Variants in FAT3 observed in about 807,000 individuals in gnomAD.
FAT3 encodes protocadherin Fat 3.
A neutral mutation model predicts 310.2 loss-of-function variants in FAT3; 95 were observed. The observed-to-expected ratio is 0.31, with a 90% confidence interval of 0.26 to 0.36. The LOEUF (loss-of-function observed/expected upper bound fraction) is 0.36. Among genes scored for constraint, FAT3 ranks in the 10% least tolerant of loss-of-function variants. The probability of loss-of-function intolerance (pLI) is 1.00; values close to 1 mark genes in which losing one functional copy is unlikely to be tolerated. For synonymous variants in FAT3, 2,314 were observed against 2,192.9 expected (o/e 1.06, Z -1.54); for missense variants, 5,408 against 5,715.6 (o/e 0.95, Z 1.74).
chr11:92,251,922 A>G (rs1349004565), intron 1 of FAT3, among the ~76,000 whole-genome samples: 1 of 152,166 alleles, frequency 6.6e-6, no homozygotes, highest in Non-Finnish European at 1.5e-5. Flanking sequence ...AGCTGAGTGT[A>G]TGTTGAAAAT....
chr11:92,253,994 G>A (rs1257933160), intron 1 of FAT3, among the ~76,000 whole-genome samples: 4 of 152,122 alleles, frequency 2.6e-5, no homozygotes, highest in African/African-American at 9.7e-5. Flanking sequence ...TAAAGAAATG[G>A]CATCGTTTAT....
chr11:92,381,872 G>A (rs1949501416), intron 2 of FAT3, among the ~76,000 whole-genome samples: 1 of 152,152 alleles, frequency 6.6e-6, no homozygotes. Flanking sequence ...TGTACCAGGT[G>A]TTAAAAAGAA....
chr11:92,234,389 A>G (rs1248036503), intron 1 of FAT3, among the ~76,000 whole-genome samples: 1 of 152,212 alleles, frequency 6.6e-6, no homozygotes, highest in Admixed American at 6.5e-5. Context: ...CAGAGGGGAA[A>G]ATAAAGGGAG....
chr11:92,882,731 G>T lies in FAT3; in HGVS notation c.12282-7G>T, dbSNP rs369657805. On this transcript the variant is annotated splice_region_variant and splice_polypyrimidine_tract_variant and intron_variant, in intron 23 of 27. Transcript: ENST00000525166. ...GACGGTGGGGAGGGGCTTCTGTGTCGCCGCAGGTGTGAGGAGGACATCAAT... is the reference window on the plus strand; with the variant it reads ...GACGGTGGGGAGGGGCTTCTGTGTCTCCGCAGGTGTGAGGAGGACATCAAT... The T allele has an allele frequency of 3.2e-6, 5 of 1,584,688 alleles. No homozygotes were observed. Among genetic ancestry groups the T allele is most frequent in the Non-Finnish European group, 4.3e-6 (5 of 1,163,124 alleles).
At chr11:92,594,979 A>AT (rs1175599841) in intron 3 of FAT3, among the ~76,000 whole-genome samples, 2 of 147,646 alleles carry the variant, frequency 1.4e-5, no homozygotes, top group African/African-American at 5.1e-5. Context: ...ATATGAATAC[A>AT]TATAGACTCA....
intron 1 of FAT3, among the ~76,000 whole-genome samples, chr11:92,346,056 C>A (rs1193582802): frequency 1.3e-5 from 2 of 152,058 alleles, no homozygotes; most frequent in East Asian, 3.9e-4. Context: ...AAAGAAATAA[C>A]CCACATCAAA....
intron 3 of FAT3, among the ~76,000 whole-genome samples, chr11:92,644,121 T>A (rs1177019014): frequency 6.6e-6 from 1 of 152,184 alleles, no homozygotes; most frequent in Non-Finnish European, 1.5e-5. Flanking sequence ...GGGGCCAAGG[T>A]GGCAGCCCCA....
At chr11:92,770,044 T>C (rs1366377170) in intron 6 of FAT3, among the ~76,000 whole-genome samples, 1 of 152,202 alleles carries the variant, frequency 6.6e-6, no homozygotes, top group Non-Finnish European at 1.5e-5. Context: ...CCCAGTGATA[T>C]GGAGAGAAAC....
At position 92,461,636 on chromosome 11, in the gene FAT3, A is replaced by G. The variant is rs193198380; in HGVS notation, c.3293-62998A>G. Among the ~76,000 whole-genome samples the G allele has an allele frequency of 3.3e-5, 5 of 152,188 alleles. No homozygotes were observed. The East Asian group carries it at 9.7e-4, about 30-fold the overall frequency. On this transcript the variant is annotated intron_variant, in intron 2 of 27. Transcript: ENST00000525166. ...GTCGGGAGAGACCTCCAAGTAGAGG[A>G]CACTGTGTGAAGACCTAAAGTTAAA...
At chr11:92,523,962 T>C (rs1046813920) in intron 2 of FAT3, among the ~76,000 whole-genome samples, 2 of 151,966 alleles carry the variant, frequency 1.3e-5, no homozygotes, top group Non-Finnish European at 2.9e-5. Flanking sequence ...TGGCTCAGAG[T>C]TTATTAGGGC....
chr11:92,812,665 G>A (rs1947709706), intron 13 of FAT3, among the ~76,000 whole-genome samples: 1 of 151,770 alleles, frequency 6.6e-6, no homozygotes, highest in African/African-American at 2.4e-5. Flanking sequence ...AATTTTATTA[G>A]AAATTTAGAT....
In FAT3 at chr11:92,353,192, G is replaced by A. The variant is rs1238677434; in HGVS notation, c.1080G>A (p.Lys360=). Reference sequence around the variant, plus strand: ...CTCCTCAAAAATGTTCAGCATTAAAGGCAGTCTACATTGGCAACCCCACAA... The same window carrying A: ...CTCCTCAAAAATGTTCAGCATTAAAAGCAGTCTACATTGGCAACCCCACAA... The part of the protein sequence containing the change: ...KGSPQKCSAL[K]AVYIGNPTRD... Residue 360 remains lysine (K), a synonymous_variant, in exon 2 of 28, where the codon AAG becomes AAA. Coordinates refer to ENST00000525166, the MANE Select transcript of FAT3 (RefSeq NM_001367949.2). 6.2e-7 allele frequency: 1 copy of A among 1,613,738 alleles called. No homozygotes were observed. Among genetic ancestry groups the A allele is most frequent in the East Asian group, 2.2e-5 (1 of 44,854 alleles).
At chr11:92,512,633 A>AAT (rs968164795) in intron 2 of FAT3, among the ~76,000 whole-genome samples, 34 of 146,872 alleles carry the variant, frequency 2.3e-4, no homozygotes, top group South Asian at 6.4e-4. Flanking sequence ...ATATATTTAA[A>AAT]ATATATATAT....
At chr11:92,741,439 A>G (rs1945506876) in intron 4 of FAT3, among the ~76,000 whole-genome samples, 1 of 152,236 alleles carries the variant, frequency 6.6e-6, no homozygotes, top group Non-Finnish European at 1.5e-5. Flanking sequence ...TTCTGAAGGA[A>G]CACAGAAGAG....
chr11:92,747,711 T>C (rs1204207949), intron 4 of FAT3, among the ~76,000 whole-genome samples: 1 of 152,208 alleles, frequency 6.6e-6, no homozygotes, highest in Non-Finnish European at 1.5e-5. Context: ...TTCTTCCAGA[T>C]GCCCTAAATC....
chr11:92,304,010 T>C (rs1227198141), intron 1 of FAT3, among the ~76,000 whole-genome samples: 4 of 152,132 alleles, frequency 2.6e-5, no homozygotes, highest in Non-Finnish European at 5.9e-5. Context: ...TTTTAACGGT[T>C]TGAAAAAGGA....
chr11:92,354,874 C>T lies in FAT3; in HGVS notation c.2762C>T (p.Thr921Ile), dbSNP rs750663331. ...ESGQQLFSVVTLKVFLDDVND... is the reference protein window; with the variant it reads ...ESGQQLFSVVILKVFLDDVND... ...GGTCAGCAGCTGTTTTCAGTTGTCA[C>T]TCTTAAAGTTTTTTTAGATGATGTC... The change falls in exon 2 of 28, where the codon ACT becomes ATT. Residue 921 changes from threonine to isoleucine, a missense_variant. This residue lies in a region of FAT3 where 4,588 missense variants were observed against 4,809.8 expected (regional missense o/e 0.95). Coordinates refer to ENST00000525166, the MANE Select transcript of FAT3 (RefSeq NM_001367949.2). The T allele has an allele frequency of 4.3e-6, 7 of 1,613,746 alleles. No individual in the cohort carries two copies. The highest frequency in any genetic ancestry group is 4.0e-5 in the African/African-American group (3 of 74,894).
At chr11:92,251,656 C>G (rs1865146088) in intron 1 of FAT3, among the ~76,000 whole-genome samples, 1 of 151,944 alleles carries the variant, frequency 6.6e-6, no homozygotes, top group South Asian at 2.1e-4. Flanking sequence ...TGGGAAAAGA[C>G]CCATGAGTTA....
intron 13 of FAT3, among the ~76,000 whole-genome samples, chr11:92,830,030 G>A (rs961444927): frequency 2.0e-5 from 3 of 152,018 alleles, no homozygotes; most frequent in Non-Finnish European, 4.4e-5. Flanking sequence ...TCCCCTCTAA[G>A]AGCTTATATT....
Sources: gnomAD v4.1 joint callset for allele counts (sites outside exome capture counted in the v4.1 genomes callset) on GRCh38, gnomAD v4.1.1 for gene constraint, gnomAD v4.1.1 regional missense constraint, MANE v1.5 for transcripts, NCBI Gene and HGNC (gene_info 2026-07-23, HGNC 2026-07-21) for gene names.